Variants in CCDC171 observed in about 807,000 individuals in gnomAD.
The protein encoded by CCDC171 is coiled-coil domain-containing protein 171.
In CCDC171, 177 loss-of-function variants were observed where a neutral mutation model predicts 168.2. That is an observed-to-expected ratio of 1.05 (90% CI 0.93 to 1.19). The LOEUF (loss-of-function observed/expected upper bound fraction) is 1.19, where lower values mean the gene tolerates loss of function less well. Ranked by LOEUF, CCDC171 falls within the 50% of genes most tolerant of loss-of-function variation. The probability of loss-of-function intolerance (pLI) is 0.00; values close to 1 mark genes in which losing one functional copy is unlikely to be tolerated. For missense variants in CCDC171, 1,991 were observed against 1,539.0 expected (o/e 1.29, Z -4.91); for synonymous variants, 687 against 540.8 (o/e 1.27, Z -3.75).
intron 6 of CCDC171, among the ~76,000 whole-genome samples, chr9:15,604,465 T>C (rs1349204663): frequency 1.3e-5 from 2 of 152,220 alleles, no homozygotes; most frequent in African/African-American, 4.8e-5. Context: ...GATGAATATA[T>C]ATGTTTTCAT....
intron 25 of CCDC171, among the ~76,000 whole-genome samples, chr9:15,924,080 A>G (rs1825637111): frequency 6.6e-6 from 1 of 151,470 alleles, no homozygotes; most frequent in Non-Finnish European, 1.5e-5. Context: ...TCCTTTTAAA[A>G]ACATATATTT....
Position 15,859,661 on chromosome 9 carries a change from T to C in CCDC171, c.3468+10714T>C, listed in dbSNP as rs189528749. Among the ~76,000 whole-genome samples the C allele has an allele frequency of 1.9e-3, 281 of 146,972 alleles. 1 individual carries two copies. The highest frequency in any genetic ancestry group is 6.5e-3 in the African/African-American group (261 of 40,132). ...CTTTTTGTTTTGTTTTGTTTTGTTT[T>C]GTTTTGTTTTTTTGAGACAGTGTCT... On this transcript the variant is annotated intron_variant, in intron 23 of 25. Transcript: ENST00000380701.
intron 7 of CCDC171, among the ~76,000 whole-genome samples, chr9:15,634,362 G>T (rs1043983920): frequency 6.6e-6 from 1 of 152,022 alleles, no homozygotes; most frequent in South Asian, 2.1e-4. Context: ...AGGGATATCT[G>T]CTAGTTTCAG....
intron 17 of CCDC171, 120 bp downstream of exon 17, chr9:15,744,897 T>C (rs984939088): frequency 4.5e-5 from 40 of 886,960 alleles, no homozygotes; most frequent in Non-Finnish European, 6.7e-5. Context: ...TAATATAACA[T>C]AGTCTCCATA....
intron 6 of CCDC171, among the ~76,000 whole-genome samples, chr9:15,602,632 CTTTTTTTTTTTTTTCTTTT>C (rs2042938366): frequency 9.7e-5 from 3 of 31,002 alleles, no homozygotes; most frequent in African/African-American, 2.9e-4. Context: ...TTTCTCATTT[CTTTTTTTTTTTTTTCTTTT>C]TTTTTTTTTT....
chr9:16,024,224 AT>A (rs1036186167), intron 6 of CCDC171, among the ~76,000 whole-genome samples: 7 of 152,168 alleles, frequency 4.6e-5, no homozygotes, highest in African/African-American at 1.7e-4. Context: ...AAGATAATAA[AT>A]TTACGTTGTT....
At chr9:15,891,873 C>T (rs1820258151) in intron 24 of CCDC171, among the ~76,000 whole-genome samples, 1 of 151,990 alleles carries the variant, frequency 6.6e-6, no homozygotes, top group African/African-American at 2.4e-5. Context: ...GAGAACAAAA[C>T]AAGCACTAAT....
At chr9:15,593,074 T>C (rs996147552) in intron 5 of CCDC171, among the ~76,000 whole-genome samples, 1 of 151,684 alleles carries the variant, frequency 6.6e-6, no homozygotes, top group Non-Finnish European at 1.5e-5. Context: ...TTCACTAATC[T>C]GCACAGAGAC....
At chr9:15,707,405 G>T (rs2052330669) in intron 11 of CCDC171, among the ~76,000 whole-genome samples, 1 of 152,184 alleles carries the variant, frequency 6.6e-6, no homozygotes, top group Non-Finnish European at 1.5e-5. Flanking sequence ...GATAACAATA[G>T]AAACTCATTT....
At chr9:15,590,810 TTTCTTTCTTTCTTTCTTTCTTTC>T (rs1298915747) in intron 4 of CCDC171, among the ~76,000 whole-genome samples, 5 of 150,146 alleles carry the variant, frequency 3.3e-5, no homozygotes, top group African/African-American at 1.2e-4. Context: ...TCTTTCTTTC[TTTCTTTCTTTCTTTCTTTCTTTC>T]TTCTTCTTTC....
intron 4 of CCDC171, among the ~76,000 whole-genome samples, chr9:16,021,056 A>G (rs1391609527): frequency 6.6e-6 from 1 of 152,120 alleles, no homozygotes. Flanking sequence ...CTATATTTTA[A>G]TTTTTCATTA....
At chr9:15,889,108 G>A (rs1164583292) in intron 24 of CCDC171, 4 of 151,526 alleles carry the variant, frequency 2.6e-5, no homozygotes, top group Admixed American at 1.3e-4. Context: ...ACAGGTGTGT[G>A]CCACCACACC....
At chr9:15,686,076 G>T (rs184019137) in intron 10 of CCDC171, among the ~76,000 whole-genome samples, 1 of 152,084 alleles carries the variant, frequency 6.6e-6, no homozygotes, top group South Asian at 2.1e-4. Flanking sequence ...TTTTAGTTAA[G>T]ATTGAGCTCT....
intron 1 of CCDC171, among the ~76,000 whole-genome samples, chr9:15,555,185 T>A (rs1345687762): frequency 6.6e-6 from 1 of 152,172 alleles, no homozygotes; most frequent in Admixed American, 6.5e-5. Flanking sequence ...TATCTATTTT[T>A]AAAAATGCTT....
At chr9:15,791,421 C>A (rs1190398542) in intron 21 of CCDC171, among the ~76,000 whole-genome samples, 3 of 152,006 alleles carry the variant, frequency 2.0e-5, no homozygotes, top group Non-Finnish European at 2.9e-5. Context: ...TATAAGAATG[C>A]TTGTGATTTT....
At chr9:16,017,807 T>C (rs1388201721) in intron 3 of CCDC171, among the ~76,000 whole-genome samples, 1 of 152,220 alleles carries the variant, frequency 6.6e-6, no homozygotes, top group East Asian at 1.9e-4. Context: ...TTTCATAACA[T>C]GCGTTGCACA....
intron 10 of CCDC171, among the ~76,000 whole-genome samples, chr9:15,687,313 G>A (rs2050467198): frequency 6.6e-6 from 1 of 151,958 alleles, no homozygotes; most frequent in African/African-American, 2.4e-5. Context: ...AAAAATACTG[G>A]GGCATGGTGG....
chr9:15,627,015 G>A (rs943371718), intron 7 of CCDC171, among the ~76,000 whole-genome samples: 8 of 151,960 alleles, frequency 5.3e-5, no homozygotes, highest in Middle Eastern at 3.2e-3. Context: ...GTCTATTTTG[G>A]GATTCAACTT....
the CCDC171 span, among the ~76,000 whole-genome samples, chr9:16,096,705 C>A: frequency 6.6e-6 from 1 of 152,174 alleles, no homozygotes; most frequent in African/African-American, 2.4e-5. Flanking sequence ...TGACACACTT[C>A]TTGCAAGTTC....
Sources: gnomAD v4.1 joint callset for allele counts (sites outside exome capture counted in the v4.1 genomes callset) on GRCh38, gnomAD v4.1.1 for gene constraint, MANE v1.5 for transcripts, NCBI Gene and HGNC (gene_info 2026-07-23, HGNC 2026-07-21) for gene names.